Variants in ZNF385D observed in about 807,000 individuals in gnomAD.
The protein encoded by ZNF385D is zinc finger protein 659.
Under a neutral mutation model 35.8 loss-of-function variants are expected in ZNF385D, and 15 were observed. The observed-to-expected ratio is 0.42, with a 90% CI of 0.28 to 0.64. The LOEUF is 0.64. Ranked by LOEUF, ZNF385D falls within the 30% of genes least tolerant of loss-of-function variation. The pLI is 0.23. For missense variants in ZNF385D, 474 were observed against 494.6 expected (o/e 0.96, Z 0.39); for synonymous variants, 212 against 186.8 (o/e 1.13, Z -1.10).
chr3:22,208,021 G>A (rs919055547), intron 2 of ZNF385D, among the ~76,000 whole-genome samples: 1 of 151,912 alleles, frequency 6.6e-6, no homozygotes, highest in Non-Finnish European at 1.5e-5. Flanking sequence ...AGAGTTTAAA[G>A]GTTCCTCTAA....
At chr3:22,107,020 A>G (rs1434182640) in intron 3 of ZNF385D, among the ~76,000 whole-genome samples, 3 of 87,004 alleles carry the variant, frequency 3.4e-5, no homozygotes, top group African/African-American at 1.1e-4. Context: ...AAACTTTGGA[A>G]TGAGAGTTTT....
chr3:22,270,882 TAAA>T (rs1701141452), intron 2 of ZNF385D, among the ~76,000 whole-genome samples: 2 of 152,062 alleles, frequency 1.3e-5, no homozygotes, highest in Admixed American at 1.3e-4. Flanking sequence ...AATTCTGAAA[TAAA>T]AAACTAATAT....
At chr3:22,336,909 CA>C (rs59822476) in intron 2 of ZNF385D, among the ~76,000 whole-genome samples, 220 of 47,938 alleles carry the variant, frequency 4.6e-3, no homozygotes, top group African/African-American at 0.013. Context: ...AGTGATTTTT[CA>C]AAAAAAAAAA....
At chr3:22,141,775 A>G (rs1260586283) in intron 3 of ZNF385D, among the ~76,000 whole-genome samples, 1 of 152,210 alleles carries the variant, frequency 6.6e-6, no homozygotes, top group African/African-American at 2.4e-5. Flanking sequence ...ACAGTGATCT[A>G]ATGAAGTCGT....
chr3:22,187,085 C>T (rs13061352), intron 2 of ZNF385D, among the ~76,000 whole-genome samples: 72,063 of 151,950 alleles, frequency 0.47, 19,368 homozygotes, highest in African/African-American at 0.74. Flanking sequence ...TTATAACAAA[C>T]GAGGAGATCA....
intron 2 of ZNF385D, among the ~76,000 whole-genome samples, chr3:21,643,011 C>T (rs374605932): frequency 1.9e-4 from 29 of 151,600 alleles, no homozygotes; most frequent in African/African-American, 4.1e-4. Context: ...ATGGCGGTGA[C>T]GAATGCACAA....
intron 3 of ZNF385D, among the ~76,000 whole-genome samples, chr3:21,834,000 A>C (rs1229200046): frequency 6.6e-6 from 1 of 152,214 alleles, no homozygotes; most frequent in African/African-American, 2.4e-5. Context: ...TCCTTTTAGC[A>C]TTATTTTATG....
intron 3 of ZNF385D, among the ~76,000 whole-genome samples, chr3:21,854,655 T>G (rs2125817550): frequency 6.6e-6 from 1 of 152,118 alleles, no homozygotes; most frequent in South Asian, 2.1e-4. Context: ...TGGGATTTAT[T>G]ATTTCTTATC....
intron 3 of ZNF385D, among the ~76,000 whole-genome samples, chr3:21,788,107 T>C (rs2071776516): frequency 6.6e-6 from 1 of 151,940 alleles, no homozygotes; most frequent in African/African-American, 2.4e-5. Context: ...ATTAAAATTA[T>C]GATAGGAATA....
intron 2 of ZNF385D, among the ~76,000 whole-genome samples, chr3:21,628,520 A>G (rs1559472117): frequency 6.6e-6 from 1 of 151,834 alleles, no homozygotes; most frequent in Non-Finnish European, 1.5e-5. Context: ...AAAAAAATCT[A>G]TAAGGTAAGA....
At chr3:22,070,301 T>C (rs1237770886) in intron 3 of ZNF385D, among the ~76,000 whole-genome samples, 2 of 152,192 alleles carry the variant, frequency 1.3e-5, no homozygotes, top group Non-Finnish European at 2.9e-5. Context: ...TATGCATATA[T>C]TTCCTTTTAT....
chr3:22,179,404 T>C (rs1232928501), intron 2 of ZNF385D, among the ~76,000 whole-genome samples: 1 of 152,280 alleles, frequency 6.6e-6, no homozygotes. Flanking sequence ...TATTGGTGTA[T>C]AAGAATGCTT....
chr3:21,594,821 G>T (rs1178202371), intron 2 of ZNF385D, among the ~76,000 whole-genome samples: 2 of 151,858 alleles, frequency 1.3e-5, no homozygotes, highest in Admixed American at 6.6e-5. Context: ...CCATGACCTG[G>T]GATATAACTT....
Position 22,270,907 on chromosome 3 carries a change from C to T in ZNF385D, c.106+101543G>A, listed in dbSNP as rs558888542. On this transcript the variant is annotated intron_variant, in intron 2 of 5. Transcript: ENST00000494108. The stretch of plus-strand genomic sequence containing the variant: ...TAAAAAACTAATATCACACAAACTT[C>T]TTACTGTGTTCATGTGGACCCATTT... Among the ~76,000 whole-genome samples the T allele has an allele frequency of 2.1e-4, 32 of 152,166 alleles. No homozygotes were observed. The South Asian group carries it at 6.4e-3, about 31-fold the overall frequency.
intron 3 of ZNF385D, among the ~76,000 whole-genome samples, chr3:22,081,667 A>G (rs1028919366): frequency 6.6e-6 from 1 of 152,184 alleles, no homozygotes; most frequent in Admixed American, 6.5e-5. Context: ...TGTTTTTTAC[A>G]AGTCAAAATT....
chr3:21,880,319 A>G (rs954687827), intron 3 of ZNF385D, among the ~76,000 whole-genome samples: 2 of 152,106 alleles, frequency 1.3e-5, no homozygotes, highest in African/African-American at 2.4e-5. Flanking sequence ...TCAAGCTTCT[A>G]TTGGCACCAT....
intron 1 of ZNF385D, among the ~76,000 whole-genome samples, chr3:21,740,764 C>T (rs1424164473): frequency 6.6e-6 from 1 of 152,176 alleles, no homozygotes; most frequent in Non-Finnish European, 1.5e-5. Context: ...CAATGTGGAA[C>T]TTCCCAGGGC....
chr3:22,257,526 T>C (rs4858394), intron 2 of ZNF385D, among the ~76,000 whole-genome samples: 2,315 of 151,904 alleles, frequency 0.015, 74 homozygotes, highest in South Asian at 0.09. Flanking sequence ...ATAATAAATA[T>C]AGGTTTTCTC....
intron 3 of ZNF385D, among the ~76,000 whole-genome samples, chr3:21,865,717 A>G (rs1036288776): frequency 1.3e-5 from 2 of 152,170 alleles, no homozygotes; most frequent in African/African-American, 4.8e-5. Context: ...TTTCATTTAC[A>G]CAAACAGAAT....
Sources: allele counts gnomAD v4.1 joint callset (sites outside exome capture counted in the v4.1 genomes callset), GRCh38; gene constraint gnomAD v4.1.1; transcripts MANE v1.5; gene names NCBI Gene and HGNC (gene_info 2026-07-23, HGNC 2026-07-21).